SLC8A2: variants seen among roughly 807,000 people sequenced by gnomAD.
The protein encoded by SLC8A2 is sodium/calcium exchanger 2.
A neutral mutation model predicts 70.2 loss-of-function variants in SLC8A2; 14 were observed. The observed-to-expected ratio is 0.20, with a 90% CI of 0.13 to 0.31. The LOEUF (loss-of-function observed/expected upper bound fraction) is 0.31. SLC8A2 is among the 10% of genes least tolerant of loss of function. The pLI is 1.00. For missense variants in SLC8A2, 779 were observed against 1,320.1 expected, an observed-to-expected ratio of 0.59 and a Z score of 6.35; for synonymous variants, 575 against 594.3, an observed-to-expected ratio of 0.97 and a Z score of 0.47.
intron 8 of SLC8A2, among the ~76,000 whole-genome samples, chr19:47,435,448 T>C (rs1967015094): frequency 6.6e-6 from 1 of 151,878 alleles, no homozygotes; most frequent in Non-Finnish European, 1.5e-5. Flanking sequence ...AGGAAGGAAA[T>C]GCTCCGAAGC....
chr19:47,437,260 C>T (rs192981443), intron 8 of SLC8A2, among the ~76,000 whole-genome samples: 6 of 152,076 alleles, frequency 3.9e-5, no homozygotes, highest in South Asian at 2.1e-4. Context: ...TGCAGAGGCA[C>T]GATCATGGCT....
At position 47,447,666 on chromosome 19, in the gene SLC8A2, A is replaced by T; in HGVS notation, c.1763+143T>A. ...CCCCGCCCACGTTGCGGGCACGGCC[A>T]CGCAGGCCCCTCCCCTCCCGAGGCC... On this transcript the variant is annotated intron_variant, in intron 4 of 9. Transcript: ENST00000236877. The surrounding 1 kb of genome is among the most constrained non-coding windows in gnomAD (Gnocchi z 5.1). 4 of 863,992 alleles carry T rather than the reference A, an allele frequency of 4.6e-6. No homozygotes were observed. Among genetic ancestry groups the T allele is most frequent in the Non-Finnish European group, 6.7e-6 (4 of 599,016 alleles). 53.5% of individuals were successfully genotyped at this position (863,992 alleles called of 1,614,324 possible). A position where few individuals can be genotyped will look rare whatever the true frequency, so the allele number is the denominator to read the frequency against.
In SLC8A2 at chr19:47,447,786, C is replaced by T. The variant is rs773739912; in HGVS notation, c.1763+23G>A. 5.8e-6 allele frequency: 9 copies of T among 1,564,068 alleles called. No homozygotes were observed. In the Admixed American group the frequency reaches 1.1e-4, roughly 19 times the overall value. On this transcript the variant is annotated intron_variant, in intron 4 of 9. Transcript: ENST00000236877. This position sits in a 1 kb window ranked among gnomAD's most constrained non-coding sequence, Gnocchi z 5.1. ...CCCATTCCGAAGCCCCGCCCCTCTC[C>T]GGGCCGCCTCGGGCGTGCTCACATG...
rs759719772 is a variant in SLC8A2, at chr19:47,465,110, G to A, written c.675+619C>T. ...GAATAATGAATGAATTATGCAAACC[G>A]TGATTACATATCTGGCAAATGGCTA... On this transcript the variant is annotated intron_variant, in intron 2 of 9. Transcript: ENST00000236877. The surrounding 1 kb of genome is among the most constrained non-coding windows in gnomAD (Gnocchi z 5.5). 7.2e-5 allele frequency among the ~76,000 whole-genome samples: 11 copies of A among 152,172 alleles called. No individual in the cohort carries two copies. Among genetic ancestry groups the A allele is most frequent in the Admixed American group, 1.3e-4 (2 of 15,280 alleles).
intron 2 of SLC8A2, among the ~76,000 whole-genome samples, chr19:47,464,666 C>T (rs914535036): frequency 6.6e-6 from 1 of 152,200 alleles, no homozygotes; most frequent in Non-Finnish European, 1.5e-5. Context: ...GCTTCAGATC[C>T]TTCCTGGGAA....
At chr19:47,451,005 C>CTTT (rs71180844) in intron 3 of SLC8A2, among the ~76,000 whole-genome samples, 37 of 80,216 alleles carry the variant, frequency 4.6e-4, no homozygotes, top group African/African-American at 1.1e-3. Context: ...GTAGCACTAT[C>CTTT]TTTTTTTTTT....
intron 2 of SLC8A2, 91 bp from the exon 3 acceptor site, chr19:47,457,685 CTCA>C (rs1011736028): frequency 1.3e-6 from 1 of 779,678 alleles, no homozygotes; most frequent in African/African-American, 1.8e-5. Context: ...TCTGCCACTC[CTCA>C]TCTCTCTCCC....
Position 47,430,010 on chromosome 19 carries a change from G to C in SLC8A2, c.*79C>G. 7.0e-7 allele frequency: 1 copy of C among 1,432,882 alleles called. No individual in the cohort carries two copies. The highest frequency in any genetic ancestry group is 1.4e-5 in the African/African-American group (1 of 69,844). The allele number at this position is 1,432,882 out of a possible 1,614,324, so 88.8% of individuals were successfully genotyped here. A position where few individuals can be genotyped will look rare whatever the true frequency, so the allele number is the denominator to read the frequency against. On this transcript the variant is annotated 3_prime_UTR_variant, in exon 10 of 10. Transcript: ENST00000236877. The surrounding 1 kb of genome is among the most constrained non-coding windows in gnomAD (Gnocchi z 5.9). ...GAGGAGGCCGAGTCTGGGGGGAAAA[G>C]GAGACCAGGGTCCAAGAGCAGGTGC... is the stretch of plus-strand genomic sequence containing the variant.
At chr19:47,444,227 C>T (rs986784106) in intron 4 of SLC8A2, among the ~76,000 whole-genome samples, 1 of 152,050 alleles carries the variant, frequency 6.6e-6, no homozygotes, top group Non-Finnish European at 1.5e-5. Flanking sequence ...CTCTCCCTGT[C>T]TCTGTCTTTC....
intron 6 of SLC8A2, among the ~76,000 whole-genome samples, chr19:47,440,330 A>G (rs969651431): frequency 6.6e-6 from 1 of 152,120 alleles, no homozygotes; most frequent in Non-Finnish European, 1.5e-5. Context: ...CCGATCTCCA[A>G]TCCAAACCCC....
intron 3 of SLC8A2, among the ~76,000 whole-genome samples, chr19:47,449,269 A>G (rs1967206936): frequency 1.3e-5 from 2 of 152,116 alleles, no homozygotes; most frequent in African/African-American, 4.8e-5. Flanking sequence ...CAGAGACCTG[A>G]AGGAGGGGAG....
Position 47,430,894 on chromosome 19 carries a change from TTG to T in SLC8A2, c.2390-431_2390-430del, listed in dbSNP as rs904797301. 3.9e-5 allele frequency among the ~76,000 whole-genome samples: 6 copies of T among 152,212 alleles called. No individual in the cohort carries two copies. Among genetic ancestry groups the T allele is most frequent in the Admixed American group, 3.9e-4 (6 of 15,294 alleles). ...GCGCCCACCACGCCCTGCTAAGATT[TTG>T]TGTTTTTAGTAGAGACGGGGTTTCA... On this transcript the variant is annotated intron_variant, in intron 9 of 9. Transcript: ENST00000236877. This position sits in a 1 kb window ranked among gnomAD's most constrained non-coding sequence, Gnocchi z 5.9.
chr19:47,455,152 G>A (rs993130608), intron 3 of SLC8A2, among the ~76,000 whole-genome samples: 1 of 152,004 alleles, frequency 6.6e-6, no homozygotes, highest in Non-Finnish European at 1.5e-5. Context: ...GAGAGAAGAG[G>A]TGAGAGGAGA....
chr19:47,453,744 T>C (rs1489115577), intron 3 of SLC8A2, among the ~76,000 whole-genome samples: 1 of 151,934 alleles, frequency 6.6e-6, no homozygotes, highest in Non-Finnish European at 1.5e-5. Flanking sequence ...CTACAAAACA[T>C]ACCAAAACAA....
At chr19:47,452,429 AGAGAGAGAGAGAGAGAGTGT>A (rs1388227536) in intron 3 of SLC8A2, among the ~76,000 whole-genome samples, 310 of 111,174 alleles carry the variant, frequency 2.8e-3, no homozygotes, top group East Asian at 6.3e-3. Context: ...AGAGAGAGAG[AGAGAGAGAGAGAGAGAGTGT>A]GTGTGTGTGT....
In SLC8A2 at chr19:47,457,033, G is replaced by C. The variant is rs1967312975; in HGVS notation, c.1237C>G (p.Leu413Val). Residue 413 changes from leucine (L) to valine (V), a missense_variant, in exon 3 of 10, where the codon CTG (leucine) becomes GTG (valine). This residue lies in a region of SLC8A2 where 186 missense variants were observed against 246.6 expected (regional missense o/e 0.75). Transcript: ENST00000236877. ...CCGCCCTGGCACGTGACGGACAGCA[G>C]CACGGAGCCGCAGTTCTCCAGGCAG... ...YHCLENCGSV[L>V]LSVTCQGGEG... is the part of the protein sequence containing the mutation. 1 of 1,609,448 alleles carries C rather than the reference G, an allele frequency of 6.2e-7. No homozygotes were observed. The highest frequency in any genetic ancestry group is 1.1e-5 in the South Asian group (1 of 90,468).
At chr19:47,431,766 GT>G (rs1966965851) in intron 9 of SLC8A2, among the ~76,000 whole-genome samples, 1 of 151,208 alleles carries the variant, frequency 6.6e-6, no homozygotes, top group African/African-American at 2.4e-5. Context: ...CTTCTGTCTG[GT>G]TTCTTGCGGG....
intron 9 of SLC8A2, among the ~76,000 whole-genome samples, chr19:47,431,337 G>T (rs1966955455): frequency 6.6e-6 from 1 of 150,652 alleles, no homozygotes; most frequent in South Asian, 2.2e-4. Flanking sequence ...CACCCCACCT[G>T]CCCCCTCATC....
intron 8 of SLC8A2, among the ~76,000 whole-genome samples, chr19:47,436,812 G>A (rs1000719189): frequency 1.3e-5 from 2 of 152,148 alleles, no homozygotes; most frequent in African/African-American, 4.8e-5. Context: ...TAGCCACAAG[G>A]GGGCAGTGTG....
Sources: gnomAD v4.1 joint callset for allele counts (sites outside exome capture counted in the v4.1 genomes callset) on GRCh38, gnomAD v4.1.1 for gene constraint, gnomAD v4.1.1 regional missense constraint, Gnocchi (gnomAD v3.1) non-coding constraint, MANE v1.5 for transcripts, NCBI Gene and HGNC (gene_info 2026-07-23, HGNC 2026-07-21) for gene names.